The following ERBB4 variants were observed in gnomAD, a reference collection of about 807,000 sequenced individuals.
ERBB4 encodes receptor tyrosine-protein kinase erbB-4.
In ERBB4, 42 loss-of-function variants were observed where a neutral mutation model predicts 158.0. The observed-to-expected ratio is 0.27, with a 90% CI of 0.21 to 0.34. The LOEUF (loss-of-function observed/expected upper bound fraction) is 0.34. Ranked by LOEUF, ERBB4 falls within the 10% of genes least tolerant of loss-of-function variation. The probability of loss-of-function intolerance (pLI) is 1.00; values close to 1 mark genes in which losing one functional copy is unlikely to be tolerated. For synonymous variants in ERBB4, 583 were observed against 558.7 expected, an observed-to-expected ratio of 1.04 and a Z score of -0.61; for missense variants, 1,333 against 1,624.1, an observed-to-expected ratio of 0.82 and a Z score of 3.08.
chr2:211,596,698 C>A (rs2068640893), intron 19 of ERBB4, among the ~76,000 whole-genome samples: 1 of 151,954 alleles, frequency 6.6e-6, no homozygotes, highest in Non-Finnish European at 1.5e-5. Flanking sequence ...TCTGATCTAT[C>A]TCTTCATGAA....
chr2:212,194,289 T>TACACACACACAC (rs1469853633), intron 1 of ERBB4, among the ~76,000 whole-genome samples: 34 of 42,484 alleles, frequency 8.0e-4, no homozygotes, highest in Non-Finnish European at 1.5e-3. Flanking sequence ...TTAAATAGTT[T>TACACACACACAC]ATACACACAC....
chr2:211,704,049 C>T (rs902836675), intron 11 of ERBB4, 55 bp downstream of exon 11: 3 of 993,620 alleles, frequency 3.0e-6, no homozygotes, highest in Non-Finnish European at 4.9e-6. Context: ...TTAATGCACA[C>T]ACAATGCTCC....
At chr2:211,991,639 T>C (rs2082077349) in intron 2 of ERBB4, among the ~76,000 whole-genome samples, 1 of 152,132 alleles carries the variant, frequency 6.6e-6, no homozygotes, top group Admixed American at 6.6e-5. Context: ...GAACGACTAT[T>C]GTAAAAATGT....
chr2:211,753,142 C>A (rs2075183643), intron 4 of ERBB4, among the ~76,000 whole-genome samples: 1 of 129,892 alleles, frequency 7.7e-6, no homozygotes, highest in Admixed American at 8.0e-5. Flanking sequence ...GCTACAATAT[C>A]TGACCAAAAT....
At chr2:212,333,693 CAA>C (rs11312810) in intron 1 of ERBB4, among the ~76,000 whole-genome samples, 53 of 147,348 alleles carry the variant, frequency 3.6e-4, no homozygotes, top group East Asian at 1.8e-3. Flanking sequence ...GATTCTGTAC[CAA>C]AAAAAAAAAA....
At chr2:212,524,395 T>A (rs1692335813) in intron 1 of ERBB4, among the ~76,000 whole-genome samples, 1 of 152,036 alleles carries the variant, frequency 6.6e-6, no homozygotes, top group African/African-American at 2.4e-5. Context: ...TAACTATTCA[T>A]TCTGACTAAT....
intron 2 of ERBB4, among the ~76,000 whole-genome samples, chr2:212,043,606 A>G (rs965656356): frequency 3.3e-5 from 5 of 152,148 alleles, no homozygotes; most frequent in African/African-American, 9.7e-5. Flanking sequence ...AGGATCTTAT[A>G]TTGATTTTCA....
At chr2:212,058,492 G>C (rs2077652972) in intron 2 of ERBB4, among the ~76,000 whole-genome samples, 1 of 152,064 alleles carries the variant, frequency 6.6e-6, no homozygotes, top group African/African-American at 2.4e-5. Flanking sequence ...AACAAAAAAA[G>C]AGAATTTTAG....
At chr2:211,544,922 A>G (rs938544206) in intron 20 of ERBB4, among the ~76,000 whole-genome samples, 2 of 152,188 alleles carry the variant, frequency 1.3e-5, no homozygotes, top group Admixed American at 6.5e-5. Context: ...AAATCAAACT[A>G]TAAGACAACC....
Position 212,484,297 on chromosome 2 carries a change from G to A in ERBB4, c.82+54152C>T, listed in dbSNP as rs113435924. Among the ~76,000 whole-genome samples the A allele has an allele frequency of 1.5e-3, 222 of 152,232 alleles. 2 individuals are homozygous for A. The highest frequency in any genetic ancestry group is 6.8e-3 in the Middle Eastern group (2 of 294). On this transcript the variant is annotated intron_variant, in intron 1 of 27. Transcript: ENST00000342788. ...TAAACTCAAAGTAAGATTTGCTTGT[G>A]GATAGTAGTTACTTCCTCTCCTTGC...
intron 20 of ERBB4, among the ~76,000 whole-genome samples, chr2:211,499,895 A>C (rs1347250728): frequency 1.3e-5 from 2 of 152,062 alleles, no homozygotes; most frequent in African/African-American, 2.4e-5. Flanking sequence ...GAAATGTAGG[A>C]ATGTGTGATA....
chr2:212,462,007 C>T (rs544163931), intron 1 of ERBB4, among the ~76,000 whole-genome samples: 1 of 152,280 alleles, frequency 6.6e-6, no homozygotes, highest in South Asian at 2.1e-4. Context: ...TGCAATTAAA[C>T]TTCTTTCTTT....
chr2:211,688,250 A>G (rs2072649345), intron 12 of ERBB4, among the ~76,000 whole-genome samples: 1 of 152,046 alleles, frequency 6.6e-6, no homozygotes, highest in Admixed American at 6.6e-5. Context: ...TGTCTGAAGG[A>G]CTTCCTTTAA....
At chr2:211,672,442 C>T (rs1246341483) in intron 14 of ERBB4, among the ~76,000 whole-genome samples, 1 of 152,124 alleles carries the variant, frequency 6.6e-6, no homozygotes, top group African/African-American at 2.4e-5. Flanking sequence ...ATAATTTTCT[C>T]TCTGAGGCTA....
chr2:212,423,093 T>C (rs2091832876), intron 1 of ERBB4, among the ~76,000 whole-genome samples: 1 of 152,032 alleles, frequency 6.6e-6, no homozygotes. Flanking sequence ...GTAATCTGTG[T>C]AAATAAATAC....
At chr2:211,925,958 A>C (rs2125088088) in intron 3 of ERBB4, among the ~76,000 whole-genome samples, 1 of 152,244 alleles carries the variant, frequency 6.6e-6, no homozygotes, top group East Asian at 1.9e-4. Context: ...ACCAGATAAA[A>C]CTGAAATGCA....
chr2:211,773,637 TATATATATATAA>T (rs1559506433), intron 4 of ERBB4, among the ~76,000 whole-genome samples: 12 of 91,752 alleles, frequency 1.3e-4, no homozygotes, highest in South Asian at 9.3e-4. Flanking sequence ...TATATATATA[TATATATATATAA>T]TATATATACA....
intron 2 of ERBB4, among the ~76,000 whole-genome samples, chr2:212,014,954 AG>A (rs1408185597): frequency 6.8e-6 from 1 of 147,900 alleles, no homozygotes; most frequent in African/African-American, 2.5e-5. Context: ...GCACTTTGGG[AG>A]GCGAAGGCGG....
At chr2:211,720,396 T>C (rs1380050824) in intron 7 of ERBB4, among the ~76,000 whole-genome samples, 1 of 152,226 alleles carries the variant, frequency 6.6e-6, no homozygotes, top group Non-Finnish European at 1.5e-5. Context: ...AATGTCCTGG[T>C]GTCAGATTTT....
Sources: gnomAD v4.1 joint callset for allele counts (sites outside exome capture counted in the v4.1 genomes callset) on GRCh38, gnomAD v4.1.1 for gene constraint, MANE v1.5 for transcripts, NCBI Gene and HGNC (gene_info 2026-07-23, HGNC 2026-07-21) for gene names.